Variants in TNRC6B observed in about 807,000 individuals in gnomAD.
TNRC6B encodes trinucleotide repeat-containing gene 6B protein.
Under a neutral mutation model 203.6 loss-of-function variants are expected in TNRC6B, and 52 were observed. The ratio of observed to expected loss-of-function variants is 0.26; its 90% CI spans 0.20 to 0.32. The LOEUF (loss-of-function observed/expected upper bound fraction) is 0.32, where lower values mean the gene tolerates loss of function less well. TNRC6B is among the 10% of genes least tolerant of loss of function. TNRC6B has a pLI of 1.00. For missense variants in TNRC6B, 1,923 were observed against 2,286.2 expected (o/e 0.84, Z 3.24); for synonymous variants, 838 against 845.7 (o/e 0.99, Z 0.16).
intron 1 of TNRC6B, among the ~76,000 whole-genome samples, chr22:40,080,784 C>A (rs2068057620): frequency 6.6e-6 from 1 of 151,690 alleles, no homozygotes; most frequent in Non-Finnish European, 1.5e-5. Context: ...CTGCAAAGAA[C>A]CTGCCTCCTT....
Position 40,157,884 on chromosome 22 carries a change from G to A in TNRC6B, c.113+1702G>A, listed in dbSNP as rs75949063. On this transcript the variant is annotated intron_variant, in intron 4 of 23. Transcript: ENST00000301923. The stretch of plus-strand genomic sequence containing the variant: ...TCATCTCCATTTCACTCAGAGATCA[G>A]GGTAGGTAACTTGCCCATGGTAATG... 4.0e-3 allele frequency among the ~76,000 whole-genome samples: 605 copies of A among 152,290 alleles called. 4 individuals carry two copies. The highest frequency in any genetic ancestry group is 0.017 in the Middle Eastern group (5 of 294).
At position 40,325,133 on chromosome 22, in the gene TNRC6B, A is replaced by AT. The variant is rs1319764528; in HGVS notation, c.*1893dup. ...AAGTGCCGACATTTTGTACCAGCAA[A>AT]TACCTGCCCATTCCAACCCTTGGTG... On this transcript the variant is annotated 3_prime_UTR_variant, in exon 23 of 23. Coordinates refer to ENST00000454349, the MANE Select transcript of TNRC6B (RefSeq NM_001162501.2). 1.3e-5 allele frequency: 2 copies of AT among 152,646 alleles called. No individual in the cohort carries two copies. Among genetic ancestry groups the AT allele is most frequent in the Non-Finnish European group, 2.9e-5 (2 of 68,054 alleles). 9.5% of individuals were successfully genotyped at this position (152,646 alleles called of 1,614,324 possible).
intron 12 of TNRC6B, among the ~76,000 whole-genome samples, chr22:40,291,956 G>T (rs1327951174): frequency 6.6e-6 from 1 of 152,266 alleles, no homozygotes; most frequent in Non-Finnish European, 1.5e-5. Context: ...ACTTTGGGAG[G>T]CCAAGGCAGG....
intron 1 of TNRC6B, among the ~76,000 whole-genome samples, chr22:40,080,363 G>A (rs192884105): frequency 3.7e-4 from 56 of 152,038 alleles, no homozygotes; most frequent in Admixed American, 6.6e-4. Flanking sequence ...TGTATAGTAT[G>A]CACAGGTTTA....
chr22:40,074,321 CTATCTT>C (rs1203003752), intron 1 of TNRC6B, among the ~76,000 whole-genome samples: 3 of 151,146 alleles, frequency 2.0e-5, no homozygotes, highest in Non-Finnish European at 4.4e-5. Flanking sequence ...TATGGAAAAA[CTATCTT>C]TAGAGTGTAT....
At chr22:40,284,295 C>T (rs1027417181) in intron 11 of TNRC6B, among the ~76,000 whole-genome samples, 4 of 152,218 alleles carry the variant, frequency 2.6e-5, no homozygotes, top group Non-Finnish European at 5.9e-5. Context: ...AATTTCCCTA[C>T]AGCAGTCCCT....
chr22:40,285,455 A>G (rs922505576), intron 11 of TNRC6B, among the ~76,000 whole-genome samples, 190 bp from the exon 12 acceptor site: 6 of 152,230 alleles, frequency 3.9e-5, no homozygotes, highest in Non-Finnish European at 7.3e-5. Context: ...CAAACTGTAC[A>G]GGTGCCCATG....
chr22:40,278,401 T>C (rs1042454272), intron 9 of TNRC6B, among the ~76,000 whole-genome samples: 1 of 151,718 alleles, frequency 6.6e-6, no homozygotes, highest in African/African-American at 2.4e-5. Flanking sequence ...CTACTAAAAA[T>C]ACAAAAATTA....
intron 1 of TNRC6B, among the ~76,000 whole-genome samples, chr22:40,186,157 G>A (rs1213534744): frequency 2.6e-5 from 4 of 152,054 alleles, no homozygotes; most frequent in Non-Finnish European, 1.5e-5. Context: ...TGAGACCTTG[G>A]GGACGGGAAG....
chr22:40,236,824 G>C (rs1301968078), intron 1 of TNRC6B, among the ~76,000 whole-genome samples: 2 of 152,184 alleles, frequency 1.3e-5, no homozygotes, highest in East Asian at 3.8e-4. Flanking sequence ...TGGGCTCAGA[G>C]ACATGCATAC....
intron 4 of TNRC6B, among the ~76,000 whole-genome samples, chr22:40,167,016 G>A (rs7289946): frequency 0.68 from 102,922 of 152,058 alleles, 36,510 homozygotes; most frequent in African/African-American, 0.9. Context: ...AATCTGAAAT[G>A]GCCTTTGAAT....
intron 3 of TNRC6B, among the ~76,000 whole-genome samples, chr22:40,134,550 CT>C (rs1761627543): frequency 6.6e-6 from 1 of 152,098 alleles, no homozygotes; most frequent in African/African-American, 2.4e-5. Context: ...AAACTATGGA[CT>C]TTAGTTAATG....
intron 1 of TNRC6B, among the ~76,000 whole-genome samples, chr22:40,052,142 G>T (rs2067751474): frequency 6.6e-6 from 1 of 152,060 alleles, no homozygotes; most frequent in African/African-American, 2.4e-5. Flanking sequence ...AACCTTCCTT[G>T]CCAAGAAACA....
intron 1 of TNRC6B, among the ~76,000 whole-genome samples, chr22:40,096,676 TTACA>T (rs2068188155): frequency 6.6e-6 from 1 of 152,194 alleles, no homozygotes; most frequent in Admixed American, 6.5e-5. Flanking sequence ...TAGTCATGTG[TTACA>T]TACTATGCCA....
chr22:40,156,011 C>A, intron 3 of TNRC6B: 1 of 986,072 alleles, frequency 1.0e-6, no homozygotes, highest in Non-Finnish European at 1.5e-6. Context: ...CTGTGCACCA[C>A]AGTGAAACGG....
In TNRC6B at chr22:40,315,986, C is replaced by T; in HGVS notation, c.4948C>T (p.Leu1650=). The change falls in exon 21 of 23, where the codon CTG becomes TTG. Residue 1650 remains leucine (L), a synonymous_variant. Coordinates refer to ENST00000454349, the MANE Select transcript of TNRC6B (RefSeq NM_001162501.2). ...DGGSVRPSYW[L]VLHNLTPQID... ...TGGCTCAGTTCGTCCTAGTTACTGG[C>T]TGGTTCTTCACAATCTCACCCCACA... is the stretch of plus-strand genomic sequence containing the variant. 1 of 1,613,842 alleles carries T rather than the reference C, an allele frequency of 6.2e-7. No homozygotes were observed.
At chr22:40,217,060 C>A (rs767879677) in intron 1 of TNRC6B, among the ~76,000 whole-genome samples, 51 of 152,254 alleles carry the variant, frequency 3.3e-4, no homozygotes, top group South Asian at 1.0e-3. Context: ...TCTTCCTTTC[C>A]TCTAAGTCAT....
chr22:40,177,928 G>A lies in TNRC6B; in HGVS notation c.-208G>A. 1 of 1,353,728 alleles carries A rather than the reference G, an allele frequency of 7.4e-7. No individual in the cohort carries two copies. Among genetic ancestry groups the A allele is most frequent in the South Asian group, 2.0e-5 (1 of 50,870 alleles). The allele number at this position is 1,353,728 out of a possible 1,614,324, so 83.9% of individuals were successfully genotyped here. A position where few individuals can be genotyped will look rare whatever the true frequency, so the allele number is the denominator to read the frequency against. ...GTCACAAAAAGCTGCTTCCTTTAGA[G>A]ACAGAGAGGGAGAGAGAGAGCAAGA... is the stretch of plus-strand genomic sequence containing the variant. On this transcript the variant is annotated 5_prime_UTR_variant, in exon 1 of 23. Coordinates refer to ENST00000454349, the MANE Select transcript of TNRC6B (RefSeq NM_001162501.2).
chr22:40,106,443 A>G (rs1196779659), intron 1 of TNRC6B: 2 of 840,896 alleles, frequency 2.4e-6, no homozygotes, highest in East Asian at 2.5e-5. Context: ...TAAGGGCCAC[A>G]GGAAGTTATT....
Sources: allele counts gnomAD v4.1 joint callset (sites outside exome capture counted in the v4.1 genomes callset), GRCh38; gene constraint gnomAD v4.1.1; transcripts MANE v1.5; gene names NCBI Gene and HGNC (gene_info 2026-07-23, HGNC 2026-07-21).